ECHDC3: variants seen among roughly 807,000 people sequenced by gnomAD.
ECHDC3 encodes enoyl-CoA hydratase domain-containing protein 3, mitochondrial.
Under a neutral mutation model 17.9 loss-of-function variants are expected in ECHDC3, and 20 were observed. The observed-to-expected ratio is 1.12, with a 90% CI of 0.79 to 1.63. The LOEUF is 1.63. Ranked by LOEUF, ECHDC3 falls within the 40% of genes most tolerant of loss-of-function variation. The pLI, the probability that ECHDC3 is intolerant of heterozygous loss-of-function variation, is 0.00. For synonymous variants in ECHDC3, 177 were observed against 149.7 expected (o/e 1.18, Z -1.33); for missense variants, 407 against 357.7 (o/e 1.14, Z -1.11).
Position 11,763,837 on chromosome 10 carries a change from C to CT in ECHDC3, c.*293_*294insT. The stretch of plus-strand genomic sequence containing the variant: ...TTGCAACGTCTTAAGCAAGCGACCC[C>CT]CCGACATAGCAAAAGGTGGCAACCC... On this transcript the variant is annotated 3_prime_UTR_variant, in exon 5 of 5. Coordinates refer to ENST00000379215, the MANE Select transcript of ECHDC3 (RefSeq NM_024693.5). The surrounding 1 kb of genome is among the most constrained non-coding windows in gnomAD (Gnocchi z 4.9). The CT allele has an allele frequency of 9.7e-7, 1 of 1,025,716 alleles. No homozygotes were observed. Among genetic ancestry groups the CT allele is most frequent in the Non-Finnish European group, 1.1e-6 (1 of 871,562 alleles). The allele number at this position is 1,025,716 out of a possible 1,614,324, so 63.5% of individuals were successfully genotyped here.
chr10:11,759,455 G>T (rs1343258991), intron 4 of ECHDC3, among the ~76,000 whole-genome samples: 1 of 151,328 alleles, frequency 6.6e-6, no homozygotes, highest in South Asian at 2.1e-4. Context: ...CCCCGTTTAC[G>T]AACCAGGAGG....
At chr10:11,750,140 G>A (rs1023942711) in intron 3 of ECHDC3, among the ~76,000 whole-genome samples, 3 of 152,006 alleles carry the variant, frequency 2.0e-5, no homozygotes, top group African/African-American at 7.3e-5. Flanking sequence ...TATTGATTTT[G>A]TTTTATACCA....
chr10:11,748,341 C>G (rs1264969738), intron 2 of ECHDC3, among the ~76,000 whole-genome samples: 1 of 152,042 alleles, frequency 6.6e-6, no homozygotes, highest in Non-Finnish European at 1.5e-5. Flanking sequence ...GATCTCCCAC[C>G]TCAGTCTCCT....
chr10:11,754,379 C>A (rs906086071), intron 3 of ECHDC3, among the ~76,000 whole-genome samples: 4 of 152,088 alleles, frequency 2.6e-5, no homozygotes, highest in Admixed American at 6.6e-5. Flanking sequence ...CACTCTGTGG[C>A]ATGAAAACAT....
chr10:11,758,723 G>A (rs1244201019), intron 4 of ECHDC3, among the ~76,000 whole-genome samples: 1 of 152,246 alleles, frequency 6.6e-6, no homozygotes, highest in Non-Finnish European at 1.5e-5. Context: ...CCTCACTCCA[G>A]TGTGCTTCCC....
chr10:11,744,641 T>G (rs1832741739), intron 1 of ECHDC3, among the ~76,000 whole-genome samples: 2 of 144,440 alleles, frequency 1.4e-5, no homozygotes, highest in African/African-American at 5.1e-5. Flanking sequence ...CATCGCATGT[T>G]TTGAACCAAG....
At chr10:11,756,577 G>T (rs1296369831) in intron 4 of ECHDC3, among the ~76,000 whole-genome samples, 2 of 152,200 alleles carry the variant, frequency 1.3e-5, no homozygotes, top group African/African-American at 2.4e-5. Flanking sequence ...TTGCAGAAAT[G>T]TGTGTTTGTG....
chr10:11,763,156 G>T lies in ECHDC3; in HGVS notation c.592-68G>T. The T allele has an allele frequency of 1.5e-6, 1 of 669,204 alleles. No homozygotes were observed. The highest frequency in any genetic ancestry group is 2.7e-6 in the Non-Finnish European group (1 of 364,004). The allele number at this position is 669,204 out of a possible 1,614,324, so 41.5% of individuals were successfully genotyped here. On this transcript the variant is annotated intron_variant, in intron 4 of 4. Coordinates refer to ENST00000379215, the MANE Select transcript of ECHDC3 (RefSeq NM_024693.5). This position sits in a 1 kb window ranked among gnomAD's most constrained non-coding sequence, Gnocchi z 4.9. Reference sequence around the variant, plus strand: ...TTGAGGAAGCAGGTCATTGAGCCGAGGCGGGACTCAGGTGGCGGGGGCGGG... The same window carrying T: ...TTGAGGAAGCAGGTCATTGAGCCGATGCGGGACTCAGGTGGCGGGGGCGGG...
chr10:11,752,480 A>G (rs1256594047), intron 3 of ECHDC3, among the ~76,000 whole-genome samples: 1 of 151,974 alleles, frequency 6.6e-6, no homozygotes, highest in Non-Finnish European at 1.5e-5. Flanking sequence ...AGTCTAGAAC[A>G]GTAAAAGATT....
intron 3 of ECHDC3, among the ~76,000 whole-genome samples, chr10:11,752,886 G>A (rs10159803): frequency 0.93 from 142,130 of 152,266 alleles, 67,178 homozygotes; most frequent in East Asian, 1. Context: ...GTTTCTCTTG[G>A]AAATTTTCAT....
intron 3 of ECHDC3, 104 bp downstream of exon 3, chr10:11,749,696 A>C: frequency 9.9e-7 from 1 of 1,009,478 alleles, no homozygotes; most frequent in Non-Finnish European, 1.5e-6. Context: ...CATGAGACCC[A>C]AACACCCAGA....
intron 1 of ECHDC3, among the ~76,000 whole-genome samples, chr10:11,746,193 T>G (rs1258973627): frequency 6.6e-6 from 1 of 151,962 alleles, no homozygotes; most frequent in African/African-American, 2.4e-5. Flanking sequence ...CTGGGTGTGG[T>G]GGCACACACC....
intron 4 of ECHDC3, 162 bp downstream of exon 4, chr10:11,755,770 T>G (rs1588464778): frequency 4.8e-6 from 3 of 628,168 alleles, no homozygotes; most frequent in Non-Finnish European, 7.9e-6. Flanking sequence ...TTCCCTCTAA[T>G]GGCAGGGAGG....
intron 1 of ECHDC3, among the ~76,000 whole-genome samples, chr10:11,745,713 G>A (rs1368194356): frequency 6.6e-6 from 1 of 152,092 alleles, no homozygotes; most frequent in Non-Finnish European, 1.5e-5. Context: ...GATTGAGGAA[G>A]GTAGGAAACC....
chr10:11,742,731 A>G lies in ECHDC3; in HGVS notation c.155A>G (p.Gln52Arg), dbSNP rs1258996393. 1.6e-6 allele frequency: 2 copies of G among 1,233,980 alleles called. No homozygotes were observed. Among genetic ancestry groups the G allele is most frequent in the Non-Finnish European group, 2.0e-6 (2 of 989,234 alleles). The allele number at this position is 1,233,980 out of a possible 1,614,324, so 76.4% of individuals were successfully genotyped here. A position where few individuals can be genotyped will look rare whatever the true frequency, so the allele number is the denominator to read the frequency against. Residue 52 changes from glutamine (Q) to arginine (R), a missense_variant, in exon 1 of 5, where the codon CAG becomes CGG. By Grantham distance (43) the Gln-to-Arg change is conservative (BLOSUM62 1). Coordinates refer to ENST00000379215, the MANE Select transcript of ECHDC3 (RefSeq NM_024693.5). ...GAGCCGCGGCCCACCAGCGCGCGGC[A>G]GCTGGACGGCATAAGGTCAGCCCCG... The part of the protein sequence containing the change: ...ESEPRPTSAR[Q>R]LDGIRNIVLS...
chr10:11,753,883 C>T (rs4747937), intron 3 of ECHDC3, among the ~76,000 whole-genome samples: 142,006 of 152,138 alleles, frequency 0.93, 67,120 homozygotes, highest in East Asian at 1. Context: ...CAAGCAATTC[C>T]CCTGCCTCAG....
chr10:11,747,581 C>A, intron 2 of ECHDC3, 111 bp downstream of exon 2: 2 of 1,328,346 alleles, frequency 1.5e-6, no homozygotes, highest in Non-Finnish European at 1.0e-6. Flanking sequence ...TTTGAAGCTC[C>A]TTTACAAGAA....
intron 1 of ECHDC3, among the ~76,000 whole-genome samples, chr10:11,746,564 A>C (rs1180068232): frequency 6.6e-6 from 1 of 152,140 alleles, no homozygotes; most frequent in East Asian, 1.9e-4. Context: ...ATTATTGCGC[A>C]TTGCTTGCCT....
At position 11,747,448 on chromosome 10, in the gene ECHDC3, T is replaced by C. The variant is rs1444686634; in HGVS notation, c.270T>C (p.Asp90=). 1.4e-5 allele frequency: 23 copies of C among 1,613,894 alleles called. No individual in the cohort carries two copies. The East Asian group carries it at 5.1e-4, about 36-fold the overall frequency. ...SDILHDADSN[D]LKVIIISAEG... ...TTCTTCATGACGCTGACAGCAACGATCTGAAAGTCATTATCATCTCGGGTA... is the reference window on the plus strand; with the variant it reads ...TTCTTCATGACGCTGACAGCAACGACCTGAAAGTCATTATCATCTCGGGTA... Residue 90 remains aspartate (D), a synonymous_variant, in exon 2 of 5, where the codon GAT becomes GAC. Coordinates refer to ENST00000379215, the MANE Select transcript of ECHDC3 (RefSeq NM_024693.5).
Sources: gnomAD v4.1 joint callset for allele counts (sites outside exome capture counted in the v4.1 genomes callset) on GRCh38, gnomAD v4.1.1 for gene constraint, Gnocchi (gnomAD v3.1) non-coding constraint, MANE v1.5 for transcripts, NCBI Gene and HGNC (gene_info 2026-07-23, HGNC 2026-07-21) for gene names.